CNTNAP4: variants seen among roughly 807,000 people sequenced by gnomAD.
CNTNAP4 encodes contactin-associated protein-like 4.
CNTNAP4 carries 98 observed loss-of-function variants against 148.4 expected under a neutral mutation model. That is an observed-to-expected ratio of 0.66 (90% CI 0.56 to 0.78). The LOEUF (loss-of-function observed/expected upper bound fraction) is 0.78, where lower values mean the gene tolerates loss of function less well. Ranked by LOEUF, CNTNAP4 falls within the 30% of genes least tolerant of loss-of-function variation. CNTNAP4 has a pLI of 0.00. For missense variants in CNTNAP4, 1,935 were observed against 1,565.6 expected (o/e 1.24, Z -3.98); for synonymous variants, 730 against 565.1 (o/e 1.29, Z -4.14).
intron 2 of CNTNAP4, among the ~76,000 whole-genome samples, chr16:76,319,599 C>T (rs996936438): frequency 6.6e-6 from 1 of 152,006 alleles, no homozygotes; most frequent in Non-Finnish European, 1.5e-5. Flanking sequence ...TGAGGCCATA[C>T]TGGATTAAGG....
intron 15 of CNTNAP4, among the ~76,000 whole-genome samples, chr16:76,502,063 C>T (rs941456073): frequency 1.4e-5 from 2 of 142,026 alleles, no homozygotes; most frequent in African/African-American, 2.6e-5. Context: ...AGCGAGACTC[C>T]GTCTCAAAAA....
At chr16:76,429,601 G>A (rs1240420189) in intron 4 of CNTNAP4, among the ~76,000 whole-genome samples, 1 of 152,148 alleles carries the variant, frequency 6.6e-6, no homozygotes, top group Non-Finnish European at 1.5e-5. Flanking sequence ...CAACAGTTTA[G>A]TGGGACTGTT....
intron 14 of CNTNAP4, among the ~76,000 whole-genome samples, chr16:76,495,660 T>A (rs1370438713): frequency 6.6e-6 from 1 of 152,094 alleles, no homozygotes; most frequent in Non-Finnish European, 1.5e-5. Context: ...AAGACATTGA[T>A]AGTATTTGAG....
intron 3 of CNTNAP4, among the ~76,000 whole-genome samples, chr16:76,410,107 AT>A (rs34570152): frequency 0.35 from 52,357 of 151,292 alleles, 10,797 homozygotes; most frequent in Non-Finnish European, 0.44. Context: ...TTGTCTTATT[AT>A]TTTTTTTCCA....
chr16:76,313,732 A>T (rs1434584131), intron 1 of CNTNAP4, among the ~76,000 whole-genome samples: 1 of 152,218 alleles, frequency 6.6e-6, no homozygotes, highest in African/African-American at 2.4e-5. Context: ...TGGGAAAGGC[A>T]TTCAAGAACA....
At chr16:76,423,898 T>C (rs948949539) in intron 3 of CNTNAP4, among the ~76,000 whole-genome samples, 2 of 152,152 alleles carry the variant, frequency 1.3e-5, no homozygotes, top group Non-Finnish European at 2.9e-5. Context: ...TGTATGGCTA[T>C]ACACTCTTCC....
chr16:76,326,540 AAC>A (rs1347073758), intron 2 of CNTNAP4, among the ~76,000 whole-genome samples: 6 of 152,190 alleles, frequency 3.9e-5, no homozygotes, highest in Admixed American at 3.9e-4. Flanking sequence ...AAAGACTTGG[AAC>A]CAATCCAAAT....
At chr16:76,544,629 T>C (rs1412845120) in intron 21 of CNTNAP4, among the ~76,000 whole-genome samples, 2 of 152,198 alleles carry the variant, frequency 1.3e-5, no homozygotes, top group South Asian at 2.1e-4. Context: ...GCAGACTACA[T>C]TGCATTTGCT....
At chr16:76,426,845 CT>C (rs2079422164) in intron 3 of CNTNAP4, among the ~76,000 whole-genome samples, 1 of 152,140 alleles carries the variant, frequency 6.6e-6, no homozygotes, top group South Asian at 2.1e-4. Flanking sequence ...AATTACAGGT[CT>C]TTCCAAATTA....
At chr16:76,321,787 CAAAAA>C in intron 2 of CNTNAP4, among the ~76,000 whole-genome samples, 1 of 105,422 alleles carries the variant, frequency 9.5e-6, no homozygotes, top group Non-Finnish European at 2.0e-5. Context: ...GACTCAGTCT[CAAAAA>C]AAAAAAAAAA....
At chr16:76,545,162 A>T (rs1277856708) in intron 21 of CNTNAP4, among the ~76,000 whole-genome samples, 3 of 152,070 alleles carry the variant, frequency 2.0e-5, no homozygotes, top group Admixed American at 6.5e-5. Context: ...ACAATCTTTT[A>T]AAAAAATGTA....
intron 17 of CNTNAP4, among the ~76,000 whole-genome samples, chr16:76,530,947 T>C (rs1247539873): frequency 6.6e-6 from 1 of 152,190 alleles, no homozygotes; most frequent in African/African-American, 2.4e-5. Flanking sequence ...ATCTCCTGAC[T>C]TGGTCCTGGG....
intron 3 of CNTNAP4, among the ~76,000 whole-genome samples, chr16:76,405,065 A>C (rs2078554846): frequency 6.6e-6 from 1 of 152,164 alleles, no homozygotes; most frequent in South Asian, 2.1e-4. Context: ...AAATGCATGT[A>C]TTTCAAATGA....
chr16:76,325,600 A>C (rs1461021456), intron 2 of CNTNAP4, among the ~76,000 whole-genome samples: 1 of 152,214 alleles, frequency 6.6e-6, no homozygotes, highest in African/African-American at 2.4e-5. Context: ...ATAAGAAAAT[A>C]CTGCAAATCA....
chr16:76,503,308 C>G (rs746064805), intron 15 of CNTNAP4, among the ~76,000 whole-genome samples: 6 of 151,968 alleles, frequency 3.9e-5, no homozygotes, highest in Admixed American at 2.0e-4. Context: ...TAAGTTGCAG[C>G]AAAAGTTAAT....
intron 4 of CNTNAP4, among the ~76,000 whole-genome samples, chr16:76,442,259 A>G (rs1394936737): frequency 1.3e-5 from 2 of 152,160 alleles, no homozygotes. Context: ...GAAAAGACAA[A>G]GAAATGAATT....
intron 9 of CNTNAP4, among the ~76,000 whole-genome samples, chr16:76,463,210 A>G (rs2081047966): frequency 4.6e-5 from 7 of 152,222 alleles, no homozygotes; most frequent in Admixed American, 4.6e-4. Context: ...AATAAATAGT[A>G]AGATATATAG....
intron 3 of CNTNAP4, among the ~76,000 whole-genome samples, chr16:76,369,511 C>G (rs1284374000): frequency 6.6e-6 from 1 of 152,150 alleles, no homozygotes; most frequent in African/African-American, 2.4e-5. Context: ...ACCAGAAGCT[C>G]AGATGTCCAA....
intron 3 of CNTNAP4, among the ~76,000 whole-genome samples, chr16:76,383,457 CATT>C (rs957038607): frequency 7.1e-6 from 1 of 141,466 alleles, no homozygotes; most frequent in Non-Finnish European, 1.5e-5. Flanking sequence ...AGGTGGGAAA[CATT>C]ATAGAACAAA....
Sources: gnomAD v4.1 joint callset for allele counts (sites outside exome capture counted in the v4.1 genomes callset) on GRCh38, gnomAD v4.1.1 for gene constraint, MANE v1.5 for transcripts, NCBI Gene and HGNC (gene_info 2026-07-23, HGNC 2026-07-21) for gene names.